PEPD: variants seen among roughly 807,000 people sequenced by gnomAD.
The protein encoded by PEPD is xaa-Pro dipeptidase.
A neutral mutation model predicts 60.7 loss-of-function variants in PEPD; 53 were observed. The observed-to-expected ratio is 0.87, with a 90% CI of 0.70 to 1.10. The LOEUF is 1.10. Among genes scored for constraint, PEPD ranks in the 50% least tolerant of loss-of-function variants. PEPD has a pLI of 0.00. For missense variants in PEPD, 711 were observed against 711.9 expected, an observed-to-expected ratio of 1.00 and a Z score of 0.01; for synonymous variants, 267 against 284.1, an observed-to-expected ratio of 0.94 and a Z score of 0.60.
chr19:33,490,871 C>T (rs1414916828), intron 5 of PEPD, among the ~76,000 whole-genome samples: 1 of 151,968 alleles, frequency 6.6e-6, no homozygotes, highest in African/African-American at 2.4e-5. Flanking sequence ...CCACGTTGGC[C>T]AGGCTTGTCT....
At chr19:33,478,170 C>T (rs1366990477) in intron 6 of PEPD, 80 bp from the exon 7 acceptor site, 2 of 881,660 alleles carry the variant, frequency 2.3e-6, no homozygotes, top group South Asian at 2.8e-5. Flanking sequence ...TCAAGACATG[C>T]ACACGTGATG....
chr19:33,472,084 C>G (rs1970130750), intron 7 of PEPD, among the ~76,000 whole-genome samples: 1 of 151,736 alleles, frequency 6.6e-6, no homozygotes, highest in East Asian at 1.9e-4. Context: ...TCGCTTGAAC[C>G]TGGGAGGCGG....
At chr19:33,436,072 GA>G (rs1712359511) in intron 9 of PEPD, among the ~76,000 whole-genome samples, 1 of 152,118 alleles carries the variant, frequency 6.6e-6, no homozygotes, top group South Asian at 2.1e-4. Context: ...TTTTGGCCTA[GA>G]AGAGCAGAGG....
chr19:33,443,875 G>A (rs762254215), intron 9 of PEPD, among the ~76,000 whole-genome samples: 5 of 143,694 alleles, frequency 3.5e-5, no homozygotes, highest in Admixed American at 7.0e-5. Context: ...GCGAACATGC[G>A]CGTGCACACA....
chr19:33,446,649 G>A (rs772416718), intron 9 of PEPD, among the ~76,000 whole-genome samples: 2 of 152,198 alleles, frequency 1.3e-5, no homozygotes, highest in African/African-American at 2.4e-5. Context: ...GAGGAACTTC[G>A]GTCCCCAGCC....
At chr19:33,394,365 G>A (rs1446453804) in intron 12 of PEPD, among the ~76,000 whole-genome samples, 3 of 145,008 alleles carry the variant, frequency 2.1e-5, no homozygotes, top group Admixed American at 2.0e-4. Context: ...GGCCCTTCCC[G>A]GGGGCAGGCC....
chr19:33,393,158 CGTCCCGGGGTCTGGGGTCTGGCGTGGGGG>C (rs1335439392), intron 12 of PEPD, among the ~76,000 whole-genome samples: 19 of 151,942 alleles, frequency 1.3e-4, no homozygotes, highest in African/African-American at 4.3e-4. Context: ...TGGGGGCGGC[CGTCCCGGGGTCTGGGGTCTGGCGTGGGGG>C]AGGCCGTCCC....
intron 6 of PEPD, among the ~76,000 whole-genome samples, chr19:33,483,342 T>C (rs950597398): frequency 1.3e-5 from 2 of 152,090 alleles, no homozygotes; most frequent in African/African-American, 4.8e-5. Flanking sequence ...TTCGATAAGA[T>C]GAACATCATT....
intron 9 of PEPD, among the ~76,000 whole-genome samples, chr19:33,441,368 C>T (rs1371361876): frequency 1.3e-5 from 2 of 152,246 alleles, no homozygotes; most frequent in Non-Finnish European, 2.9e-5. Context: ...TAGTGCAGAC[C>T]TGATTCCTCG....
chr19:33,432,336 T>C (rs1195048282), intron 9 of PEPD, among the ~76,000 whole-genome samples: 1 of 152,196 alleles, frequency 6.6e-6, no homozygotes, highest in Non-Finnish European at 1.5e-5. Flanking sequence ...CACAGGGAGC[T>C]AGAGAAGTCA....
At chr19:33,487,177 C>T (rs1050509124) in intron 6 of PEPD, 1 of 152,270 alleles carries the variant, frequency 6.6e-6, no homozygotes, top group African/African-American at 2.4e-5. Flanking sequence ...CTCTTGGGGA[C>T]GTGGTCTCTG....
intron 9 of PEPD, among the ~76,000 whole-genome samples, chr19:33,442,878 G>A (rs1191641071): frequency 2.0e-5 from 3 of 152,120 alleles, no homozygotes; most frequent in African/African-American, 4.8e-5. Flanking sequence ...AGGCCTCGGG[G>A]AACGTCCACC....
chr19:33,492,086 G>C (rs966732819), intron 5 of PEPD, among the ~76,000 whole-genome samples: 11 of 151,568 alleles, frequency 7.3e-5, no homozygotes, highest in Middle Eastern at 3.2e-3. Flanking sequence ...GGTCACTTTG[G>C]GGGGAAGGCT....
At chr19:33,398,173 C>T (rs146212431) in intron 12 of PEPD, among the ~76,000 whole-genome samples, 78 of 152,356 alleles carry the variant, frequency 5.1e-4, no homozygotes, top group South Asian at 1.9e-3. Flanking sequence ...CCTCTGGCAC[C>T]CTGATGGGCC....
At chr19:33,456,272 G>A (rs2145258939) in intron 9 of PEPD, among the ~76,000 whole-genome samples, 1 of 152,242 alleles carries the variant, frequency 6.6e-6, no homozygotes. Context: ...ACAGCAGGAT[G>A]GACGGGCACA....
intron 9 of PEPD, among the ~76,000 whole-genome samples, chr19:33,461,743 G>C (rs536531123): frequency 2.7e-4 from 41 of 152,326 alleles, no homozygotes; most frequent in African/African-American, 9.1e-4. Context: ...CGGGCAGGGG[G>C]TCCTGGGAAT....
At chr19:33,491,390 C>T (rs778384890) in intron 5 of PEPD, among the ~76,000 whole-genome samples, 6 of 152,112 alleles carry the variant, frequency 3.9e-5, no homozygotes, top group African/African-American at 9.7e-5. Context: ...GTGGAGGCTG[C>T]GGTGAGCCAA....
chr19:33,440,106 T>A (rs1969455618), intron 9 of PEPD, among the ~76,000 whole-genome samples: 1 of 152,086 alleles, frequency 6.6e-6, no homozygotes, highest in Non-Finnish European at 1.5e-5. Flanking sequence ...GCAAGACGAG[T>A]GATCCTGGCT....
chr19:33,506,715 T>A (rs1415426451), intron 3 of PEPD, among the ~76,000 whole-genome samples: 1 of 114,608 alleles, frequency 8.7e-6, no homozygotes, highest in African/African-American at 3.5e-5. Context: ...ACACACACAC[T>A]CCCATCACAA....
Sources: allele counts gnomAD v4.1 joint callset (sites outside exome capture counted in the v4.1 genomes callset), GRCh38; gene constraint gnomAD v4.1.1; transcripts MANE v1.5; gene names NCBI Gene and HGNC (gene_info 2026-07-23, HGNC 2026-07-21).